ACP3: variants seen among roughly 807,000 people sequenced by gnomAD.
ACP3 encodes acid phosphatase 3.
A neutral mutation model predicts 45.6 loss-of-function variants in ACP3; 38 were observed. The observed-to-expected ratio is 0.83, with a 90% CI of 0.64 to 1.09. ACP3 has a LOEUF of 1.09. Ranked by LOEUF, ACP3 falls within the 50% of genes least tolerant of loss-of-function variation. The probability of loss-of-function intolerance (pLI) is 0.00; values close to 1 mark genes in which losing one functional copy is unlikely to be tolerated. For synonymous variants in ACP3, 162 were observed against 164.7 expected (o/e 0.98, Z 0.13); for missense variants, 466 against 463.2 (o/e 1.01, Z -0.05).
chr3:132,352,928 T>C, intron 9 of ACP3, 105 bp downstream of exon 9: 1 of 792,694 alleles, frequency 1.3e-6, no homozygotes, highest in Non-Finnish European at 2.1e-6. Flanking sequence ...GATTTGGTTT[T>C]ATATTCAGAG....
At chr3:132,354,859 T>G (rs147963031) in intron 9 of ACP3, among the ~76,000 whole-genome samples, 431 of 152,348 alleles carry the variant, frequency 2.8e-3, no homozygotes, top group African/African-American at 9.8e-3. Flanking sequence ...TTATCTAAAC[T>G]CTTTGTACTC....
At position 132,352,737 on chromosome 3, in the gene ACP3, T is replaced by G. The variant is rs1441835999; in HGVS notation, c.882T>G (p.Ser294Arg). The change falls in exon 9 of 10, where the codon AGT (serine) becomes AGG (arginine). Residue 294 changes from serine (S) to arginine (R), a missense_variant. Coordinates refer to ENST00000336375, the MANE Select transcript of ACP3 (RefSeq NM_001099.5). ...CTCTGTAGCATGACACTACTGTGAG[T>G]GGCCTACAGATGGCGCTAGATGTTT... ...IMYSAHDTTVSGLQMALDVYN... is the reference protein window; with the variant it reads ...IMYSAHDTTVRGLQMALDVYN... 1 of 1,612,616 alleles carries G rather than the reference T, an allele frequency of 6.2e-7. No homozygotes were observed. Among genetic ancestry groups the G allele is most frequent in the Non-Finnish European group, 8.5e-7 (1 of 1,178,648 alleles).
At chr3:132,342,119 T>C (rs1937558795) in intron 5 of ACP3, among the ~76,000 whole-genome samples, 1 of 152,208 alleles carries the variant, frequency 6.6e-6, no homozygotes, top group African/African-American at 2.4e-5. Flanking sequence ...TACCCACTTC[T>C]AAAAAGAATC....
In ACP3 at chr3:132,358,815, T is replaced by G; in HGVS notation, c.*1937T>G. On this transcript the variant is annotated 3_prime_UTR_variant, in exon 10 of 10. Transcript: ENST00000336375. ...CGTATGTGTGTGTGTTTAATTAGAA[T>G]AAAATTCCTCTAGGCAGATTTCAGG... is the stretch of plus-strand genomic sequence containing the variant. The G allele has an allele frequency of 1.0e-6, 1 of 985,410 alleles. No individual in the cohort carries two copies. Among genetic ancestry groups the G allele is most frequent in the Non-Finnish European group, 1.2e-6 (1 of 829,840 alleles). The allele number at this position is 985,410 out of a possible 1,614,324, so 61.0% of individuals were successfully genotyped here. A position where few individuals can be genotyped will look rare whatever the true frequency, so the allele number is the denominator to read the frequency against.
rs779110364 is a variant in ACP3 at position 132,358,400 on chromosome 3, C to T, written c.*1522C>T. 70 of 1,252,546 alleles carry T rather than the reference C, an allele frequency of 5.6e-5. No homozygotes were observed. The Admixed American group carries it at 1.6e-3, about 29-fold the overall frequency. The allele number at this position is 1,252,546 out of a possible 1,614,324, so 77.6% of individuals were successfully genotyped here. Reference sequence around the variant, plus strand: ...CTTTAATGCCGATATCTTCAGAAAACCTAAGCAAACTTACAGGTCCTGCTG... The same window carrying T: ...CTTTAATGCCGATATCTTCAGAAAATCTAAGCAAACTTACAGGTCCTGCTG... On this transcript the variant is annotated 3_prime_UTR_variant, in exon 10 of 10. Transcript: ENST00000336375.
At chr3:132,365,296 C>G (rs1049919751) in intron 10 of ACP3, among the ~76,000 whole-genome samples, 17 of 152,022 alleles carry the variant, frequency 1.1e-4, no homozygotes, top group African/African-American at 4.1e-4. Context: ...ATCACAATGG[C>G]CAATTTGGGG....
At position 132,332,317 on chromosome 3, in the gene ACP3, G is replaced by A; in HGVS notation, c.429G>A (p.Val143=). The change falls in exon 4 of 10, where the codon GTG becomes GTA. Residue 143 remains valine, a synonymous_variant. Transcript: ENST00000336375. ...TCCTACTCTGGCAGCCCATCCCGGT[G>A]CACACAGTTCCTCTTTCTGAAGATC... ...NPILLWQPIP[V]HTVPLSEDQL... is the part of the protein sequence containing the mutation. 1 of 1,614,112 alleles carries A rather than the reference G, an allele frequency of 6.2e-7. No individual in the cohort carries two copies. Among genetic ancestry groups the A allele is most frequent in the South Asian group, 1.1e-5 (1 of 91,080 alleles).
chr3:132,322,806 T>C (rs1161327178), intron 1 of ACP3, among the ~76,000 whole-genome samples: 3 of 152,234 alleles, frequency 2.0e-5, no homozygotes. Flanking sequence ...GTGGGGCCTT[T>C]AAGAGGTGAT....
At chr3:132,349,735 A>T (rs1293753443) in intron 7 of ACP3, among the ~76,000 whole-genome samples, 185 bp from the exon 8 acceptor site, 1 of 144,866 alleles carries the variant, frequency 6.9e-6, no homozygotes, top group South Asian at 2.2e-4. Context: ...GATTCAGTTT[A>T]AAAAAAAAAA....
rs189552249 is a variant in ACP3 at position 132,353,072 on chromosome 3, T to A, written c.968+249T>A. On this transcript the variant is annotated intron_variant, in intron 9 of 9. Transcript: ENST00000336375. ...GCCTATGTAACAGAAATTACATTTTTAAAAAAATTAAGGTATTCTAAGAAG... is the reference window on the plus strand; with the variant it reads ...GCCTATGTAACAGAAATTACATTTTAAAAAAAATTAAGGTATTCTAAGAAG... 1.5e-3 allele frequency among the ~76,000 whole-genome samples: 229 copies of A among 152,300 alleles called. 2 individuals are homozygous for A. Among genetic ancestry groups the A allele is most frequent in the African/African-American group, 5.2e-3 (215 of 41,570 alleles).
intron 8 of ACP3, among the ~76,000 whole-genome samples, chr3:132,351,143 C>T (rs550919154): frequency 1.3e-5 from 2 of 152,050 alleles, no homozygotes; most frequent in Non-Finnish European, 2.9e-5. Flanking sequence ...GTTTGAAATG[C>T]CACAGGGGCA....
At chr3:132,327,582 G>A (rs1036622330) in intron 1 of ACP3, among the ~76,000 whole-genome samples, 1 of 149,122 alleles carries the variant, frequency 6.7e-6, no homozygotes, top group African/African-American at 2.5e-5. Context: ...ACTTTGGAAG[G>A]CCGAGGCAAG....
intron 8 of ACP3, among the ~76,000 whole-genome samples, chr3:132,352,461 G>T (rs1269866250): frequency 1.3e-5 from 2 of 151,354 alleles, no homozygotes; most frequent in Non-Finnish European, 2.9e-5. Context: ...GGCTCCCAAA[G>T]TGCTGGGATT....
chr3:132,333,976 C>G (rs1357181226), intron 4 of ACP3, among the ~76,000 whole-genome samples: 1 of 152,140 alleles, frequency 6.6e-6, no homozygotes, highest in African/African-American at 2.4e-5. Flanking sequence ...GAGGCTGAGG[C>G]AGGAGAATCA....
intron 9 of ACP3, among the ~76,000 whole-genome samples, chr3:132,356,300 A>T (rs1937894350): frequency 6.6e-6 from 1 of 152,172 alleles, no homozygotes; most frequent in Non-Finnish European, 1.5e-5. Flanking sequence ...AAAGAAAAAA[A>T]GGAGCAAATG....
At chr3:132,323,990 A>G (rs56260497) in intron 1 of ACP3, among the ~76,000 whole-genome samples, 31,731 of 152,046 alleles carry the variant, frequency 0.21, 3,511 homozygotes, top group African/African-American at 0.25. Context: ...GGCCAAGGCG[A>G]GTGGATCACC....
At chr3:132,341,225 A>G (rs1275277183) in intron 5 of ACP3, among the ~76,000 whole-genome samples, 5 of 152,184 alleles carry the variant, frequency 3.3e-5, no homozygotes, top group Non-Finnish European at 7.3e-5. Context: ...CTGATTTTAG[A>G]GGAGTTTTCC....
At chr3:132,352,216 A>G (rs889312450) in intron 8 of ACP3, among the ~76,000 whole-genome samples, 4 of 152,004 alleles carry the variant, frequency 2.6e-5, no homozygotes, top group Admixed American at 1.3e-4. Flanking sequence ...ATTTTATTTT[A>G]TCGAGATGGA....
intron 1 of ACP3, among the ~76,000 whole-genome samples, chr3:132,321,974 C>T (rs534796097): frequency 6.6e-6 from 1 of 152,240 alleles, no homozygotes; most frequent in East Asian, 1.9e-4. Flanking sequence ...ATATATTACA[C>T]ATTTAATTTT....
Sources: allele counts gnomAD v4.1 joint callset (sites outside exome capture counted in the v4.1 genomes callset), GRCh38; gene constraint gnomAD v4.1.1; transcripts MANE v1.5; gene names NCBI Gene and HGNC (gene_info 2026-07-23, HGNC 2026-07-21).